The following KALRN variants were observed in gnomAD, a reference collection of about 807,000 sequenced individuals.
The protein encoded by KALRN is kalirin.
In KALRN, 70 loss-of-function variants were observed where a neutral mutation model predicts 353.7. The ratio of observed to expected loss-of-function variants is 0.20; its 90% CI spans 0.16 to 0.24. The LOEUF (loss-of-function observed/expected upper bound fraction) is 0.24. Ranked by LOEUF, KALRN falls within the 10% of genes least tolerant of loss-of-function variation. The pLI is 1.00. For missense variants in KALRN, 2,791 were observed against 3,756.7 expected (o/e 0.74, Z 6.72); for synonymous variants, 1,391 against 1,434.8 (o/e 0.97, Z 0.69).
chr3:124,376,500 C>T (rs2086608817), intron 10 of KALRN, among the ~76,000 whole-genome samples: 1 of 152,172 alleles, frequency 6.6e-6, no homozygotes, highest in African/African-American at 2.4e-5. Context: ...ATCCCCTTCC[C>T]CACTACAAGA....
chr3:124,286,085 T>TTCTTTCTTTCTTTCTTTCTTTC (rs1183530642), intron 5 of KALRN, among the ~76,000 whole-genome samples: 5 of 121,928 alleles, frequency 4.1e-5, no homozygotes, highest in African/African-American at 1.7e-4. Context: ...TTTCCTTCCT[T>TTCTTTCTTTCTTTCTTTCTTTC]TCTTTCTTTC....
intron 37 of KALRN, among the ~76,000 whole-genome samples, chr3:124,649,833 A>AGATG (rs2083203825): frequency 6.6e-6 from 1 of 150,560 alleles, no homozygotes; most frequent in African/African-American, 2.4e-5. Context: ...ATAGATAGAT[A>AGATG]GATATTATGG....
chr3:124,520,679 C>T (rs1168199048), intron 33 of KALRN, among the ~76,000 whole-genome samples: 2 of 152,068 alleles, frequency 1.3e-5, no homozygotes, highest in East Asian at 1.9e-4. Context: ...CAAACTTGGG[C>T]CAACTCTTTG....
intron 17 of KALRN, among the ~76,000 whole-genome samples, 154 bp from the exon 18 acceptor site, chr3:124,438,734 C>T (rs1366207930): frequency 6.6e-6 from 1 of 152,168 alleles, no homozygotes; most frequent in African/African-American, 2.4e-5. Context: ...AGACACAGGA[C>T]TGTCACTGCC....
intron 1 of KALRN, among the ~76,000 whole-genome samples, chr3:124,191,511 A>G (rs1300671035): frequency 6.6e-6 from 1 of 152,220 alleles, no homozygotes; most frequent in Non-Finnish European, 1.5e-5. Context: ...CAAAGACCAC[A>G]TATATTAATA....
chr3:124,629,115 G>A (rs1660039), intron 34 of KALRN, among the ~76,000 whole-genome samples: 23,341 of 152,104 alleles, frequency 0.15, 2,644 homozygotes, highest in African/African-American at 0.31. Flanking sequence ...GCACTGTCAG[G>A]GGGCCTATGT....
intron 33 of KALRN, among the ~76,000 whole-genome samples, chr3:124,533,566 G>A (rs1482649241): frequency 1.3e-5 from 2 of 152,156 alleles, no homozygotes; most frequent in African/African-American, 2.4e-5. Flanking sequence ...GGTCACCTGA[G>A]CTTGGCAAGT....
intron 57 of KALRN, among the ~76,000 whole-genome samples, chr3:124,702,322 C>T (rs1446312633): frequency 6.6e-6 from 1 of 152,134 alleles, no homozygotes; most frequent in Non-Finnish European, 1.5e-5. Flanking sequence ...AGTTGTCAAC[C>T]TTTCTTCTTT....
chr3:124,090,762 T>C (rs989886409), intron 1 of KALRN, among the ~76,000 whole-genome samples: 1 of 152,168 alleles, frequency 6.6e-6, no homozygotes, highest in African/African-American at 2.4e-5. Flanking sequence ...CATTGCAGAA[T>C]TCTCTGGGGA....
intron 34 of KALRN, among the ~76,000 whole-genome samples, chr3:124,605,440 G>A (rs1209112743): frequency 2.0e-5 from 3 of 151,922 alleles, no homozygotes; most frequent in Non-Finnish European, 4.4e-5. Context: ...AGGCATGGTG[G>A]CACATGTCTG....
intron 14 of KALRN, among the ~76,000 whole-genome samples, chr3:124,421,136 T>C (rs12490497): frequency 0.39 from 58,872 of 151,982 alleles, 11,786 homozygotes; most frequent in South Asian, 0.48. Flanking sequence ...GGGAAAGGAC[T>C]TGGACAGAAC....
At position 124,667,042 on chromosome 3, in the gene KALRN, G is replaced by C. The variant is rs1222867114; in HGVS notation, c.6562G>C (p.Asp2188His). ...MNYLVLEENVDNDPCKFALMN... is the reference protein window; with the variant it reads ...MNYLVLEENVHNDPCKFALMN... ...TTACTTGGTCCTGGAGGAGAATGTGGACAATGATCCCTGCAAGTTTGCACT... is the reference window on the plus strand; with the variant it reads ...TTACTTGGTCCTGGAGGAGAATGTGCACAATGATCCCTGCAAGTTTGCACT... The change falls in exon 47 of 60, where the codon GAC becomes CAC. Residue 2188 changes from aspartate (D) to histidine (H), a missense_variant. Coordinates refer to ENST00000682506, the MANE Select transcript of KALRN (RefSeq NM_001388419.1). 1 of 1,612,854 alleles carries C rather than the reference G, an allele frequency of 6.2e-7. No individual in the cohort carries two copies. The highest frequency in any genetic ancestry group is 1.7e-5 in the Admixed American group (1 of 59,934).
chr3:124,189,645 A>C (rs72974612), intron 1 of KALRN, among the ~76,000 whole-genome samples: 8,495 of 152,170 alleles, frequency 0.056, 763 homozygotes, highest in African/African-American at 0.19. Context: ...TCTACTAATA[A>C]TACAAAATAT....
intron 7 of KALRN, among the ~76,000 whole-genome samples, chr3:124,327,011 G>A (rs1457853127): frequency 1.3e-5 from 2 of 152,014 alleles, no homozygotes; most frequent in Non-Finnish European, 2.9e-5. Flanking sequence ...TGCTATGTAT[G>A]GATCACCTCT....
chr3:124,512,264 C>T (rs1042677259), intron 33 of KALRN, among the ~76,000 whole-genome samples: 23 of 152,218 alleles, frequency 1.5e-4, no homozygotes, highest in African/African-American at 4.1e-4. Context: ...CTGTCGCTGG[C>T]GCAATACAGG....
intron 33 of KALRN, among the ~76,000 whole-genome samples, chr3:124,543,867 G>T (rs2069335685): frequency 6.6e-6 from 1 of 152,092 alleles, no homozygotes; most frequent in Admixed American, 6.6e-5. Flanking sequence ...AGAAGCAAGG[G>T]TGCATTAGAT....
chr3:124,121,360 T>G (rs2064011966), intron 1 of KALRN, among the ~76,000 whole-genome samples: 1 of 152,198 alleles, frequency 6.6e-6, no homozygotes, highest in Non-Finnish European at 1.5e-5. Context: ...GAATAAATTT[T>G]TCTAGGCTGG....
At chr3:124,192,341 A>G (rs1325769583) in intron 1 of KALRN, among the ~76,000 whole-genome samples, 1 of 152,160 alleles carries the variant, frequency 6.6e-6, no homozygotes, top group Non-Finnish European at 1.5e-5. Flanking sequence ...AAACTCATGA[A>G]CATAGAGAGT....
chr3:124,261,988 A>G (rs1260711530), intron 3 of KALRN, among the ~76,000 whole-genome samples: 1 of 152,178 alleles, frequency 6.6e-6, no homozygotes, highest in African/African-American at 2.4e-5. Context: ...AAAAGCAATA[A>G]CTAGTAATCA....
Sources: allele counts gnomAD v4.1 joint callset (sites outside exome capture counted in the v4.1 genomes callset), GRCh38; gene constraint gnomAD v4.1.1; transcripts MANE v1.5; gene names NCBI Gene and HGNC (gene_info 2026-07-23, HGNC 2026-07-21).